QTMAN: variants seen among roughly 807,000 people sequenced by gnomAD.
QTMAN encodes the protein queuosine-tRNA mannosyltransferase.
the QTMAN span, among the ~76,000 whole-genome samples, chr2:144,122,054 T>A: frequency 1.4e-4 from 21 of 152,320 alleles, no homozygotes; most frequent in Non-Finnish European, 3.1e-4. Flanking sequence ...GACTCTTTTT[T>A]AATTACAATA....
the QTMAN span, chr2:143,952,221 G>A: frequency 2.5e-5 from 15 of 608,918 alleles, no homozygotes; most frequent in Non-Finnish European, 3.9e-5. Flanking sequence ...GGTTACCTCA[G>A]CTCACAAGGA....
the QTMAN span, among the ~76,000 whole-genome samples, chr2:144,252,196 G>A: frequency 6.6e-6 from 1 of 152,106 alleles, no homozygotes; most frequent in Non-Finnish European, 1.5e-5. Context: ...GCAAGACCCT[G>A]TCTCTACAAA....
chr2:144,117,705 T>C, the QTMAN span, among the ~76,000 whole-genome samples: 3 of 152,212 alleles, frequency 2.0e-5, no homozygotes, highest in African/African-American at 4.8e-5. Context: ...GATAAGTTAG[T>C]GTTTTCTGTG....
At chr2:144,260,509 G>A in the QTMAN span, among the ~76,000 whole-genome samples, 1 of 151,908 alleles carries the variant, frequency 6.6e-6, no homozygotes, top group African/African-American at 2.4e-5. Flanking sequence ...GAGCTTGATA[G>A]GGCAATATTA....
At chr2:143,984,409 G>C in the QTMAN span, among the ~76,000 whole-genome samples, 2 of 152,178 alleles carry the variant, frequency 1.3e-5, no homozygotes, top group Non-Finnish European at 2.9e-5. Flanking sequence ...GGTTCTCTAA[G>C]GGGAAGGGTA....
At chr2:144,009,468 C>G in the QTMAN span, among the ~76,000 whole-genome samples, 6 of 152,012 alleles carry the variant, frequency 3.9e-5, no homozygotes, top group South Asian at 2.1e-4. Context: ...CTGTAGGACC[C>G]TATGTACATT....
At chr2:144,118,054 G>C in the QTMAN span, among the ~76,000 whole-genome samples, 1 of 152,096 alleles carries the variant, frequency 6.6e-6, no homozygotes, top group East Asian at 1.9e-4. Flanking sequence ...CAACGTGTTA[G>C]CCAGGATGGT....
chr2:143,974,132 G>T, the QTMAN span, among the ~76,000 whole-genome samples: 1 of 152,156 alleles, frequency 6.6e-6, no homozygotes, highest in East Asian at 1.9e-4. Context: ...GCCCCTTTCT[G>T]CTAACAGCTA....
chr2:144,050,967 T>C, the QTMAN span, among the ~76,000 whole-genome samples: 2 of 152,188 alleles, frequency 1.3e-5, no homozygotes, highest in Non-Finnish European at 2.9e-5. Flanking sequence ...GGGTTAACTA[T>C]ATCTTTAGGA....
chr2:143,949,800 A>G, the QTMAN span, among the ~76,000 whole-genome samples: 19 of 151,954 alleles, frequency 1.3e-4, no homozygotes, highest in South Asian at 2.3e-3. Flanking sequence ...AAAAATTACA[A>G]TAACTTGTTG....
At chr2:144,166,946 A>T in the QTMAN span, among the ~76,000 whole-genome samples, 1 of 151,920 alleles carries the variant, frequency 6.6e-6, no homozygotes, top group Non-Finnish European at 1.5e-5. Context: ...ATACCACTCC[A>T]TCCTATTCTC....
the QTMAN span, among the ~76,000 whole-genome samples, chr2:144,158,571 G>C: frequency 4.6e-5 from 7 of 151,770 alleles, no homozygotes; most frequent in African/African-American, 1.7e-4. Context: ...TTCGCTGTAG[G>C]GACATCAGAT....
the QTMAN span, among the ~76,000 whole-genome samples, chr2:144,091,056 A>G: frequency 6.6e-6 from 1 of 152,112 alleles, no homozygotes; most frequent in East Asian, 1.9e-4. Context: ...CACACACTCC[A>G]TTGATTTTCA....
chr2:144,282,960 C>G, the QTMAN span, among the ~76,000 whole-genome samples: 3 of 152,208 alleles, frequency 2.0e-5, no homozygotes, highest in Non-Finnish European at 2.9e-5. Flanking sequence ...AATACATCCA[C>G]GTGCTCAGAG....
chr2:143,975,304 T>C, the QTMAN span, among the ~76,000 whole-genome samples: 1 of 152,186 alleles, frequency 6.6e-6, no homozygotes, highest in African/African-American at 2.4e-5. Flanking sequence ...TACTTGTCAC[T>C]TACACTGAAC....
the QTMAN span, among the ~76,000 whole-genome samples, chr2:144,094,656 T>C: frequency 3.3e-5 from 5 of 152,200 alleles, no homozygotes; most frequent in Non-Finnish European, 7.3e-5. Context: ...ACCCCCGTGA[T>C]TCAATGATCT....
At chr2:144,229,954 A>G in the QTMAN span, among the ~76,000 whole-genome samples, 1 of 152,192 alleles carries the variant, frequency 6.6e-6, no homozygotes, top group Non-Finnish European at 1.5e-5. Context: ...ATAGTCACAT[A>G]ACATAAATGC....
chr2:144,186,526 C>T, the QTMAN span, among the ~76,000 whole-genome samples: 26 of 152,150 alleles, frequency 1.7e-4, 1 homozygote, highest in East Asian at 4.1e-3. Context: ...GTTTTATTTT[C>T]GTTTTGTTTT....
At chr2:144,274,434 T>C in the QTMAN span, among the ~76,000 whole-genome samples, 13 of 152,190 alleles carry the variant, frequency 8.5e-5, no homozygotes, top group Admixed American at 8.5e-4. Context: ...AGGATACAAA[T>C]CATGTAATTA....
Sources: allele counts gnomAD v4.1 joint callset (sites outside exome capture counted in the v4.1 genomes callset), GRCh38; gene constraint gnomAD v4.1.1; transcripts MANE v1.5; gene names NCBI Gene and HGNC (gene_info 2026-07-23, HGNC 2026-07-21).